GABRR3: variants seen among roughly 807,000 people sequenced by gnomAD.
The protein encoded by GABRR3 is gamma-aminobutyric acid type A receptor subunit rho3, also known as gamma-aminobutyric acid receptor subunit rho-3.
A neutral mutation model predicts 43.2 loss-of-function variants in GABRR3; 29 were observed. The observed-to-expected ratio is 0.67, with a 90% CI of 0.50 to 0.92. GABRR3 has a LOEUF of 0.92. Ranked by LOEUF, GABRR3 falls within the 40% of genes least tolerant of loss-of-function variation. The pLI, the probability that GABRR3 is intolerant of heterozygous loss-of-function variation, is 0.00. For synonymous variants in GABRR3, 206 were observed against 195.9 expected (o/e 1.05, Z -0.43); for missense variants, 576 against 572.3 (o/e 1.01, Z -0.07).
intron 2 of GABRR3, among the ~76,000 whole-genome samples, chr3:98,031,467 G>A (rs943253281): frequency 6.6e-6 from 1 of 152,126 alleles, no homozygotes; most frequent in Non-Finnish European, 1.5e-5. Context: ...AGAAGGCTGT[G>A]GGCACGGTGG....
exon 2 of GABRR3, chr3:98,034,923 C>T: frequency 6.2e-7 from 1 of 1,613,132 alleles, no homozygotes; most frequent in Non-Finnish European, 8.5e-7. Context: ...AGAAGCAGCA[C>T]AAACATTTGG....
intron 2 of GABRR3, among the ~76,000 whole-genome samples, chr3:98,032,946 A>T (rs1707108796): frequency 6.6e-6 from 1 of 152,154 alleles, no homozygotes. Context: ...ACCTCACAGT[A>T]TCTATTCACA....
rs187971487 is a variant in GABRR3 at position 98,016,927 on chromosome 3, C to G, written c.306+728G>C. On this transcript the variant is annotated intron_variant, in intron 4 of 9. Coordinates refer to ENST00000621172, the Ensembl canonical transcript of GABRR3. ...TGATAATATTAAAACATAAAAATAG[C>G]CAAAGTGATTAAGGGACGGGAAGAA... 9.3e-3 allele frequency among the ~76,000 whole-genome samples: 1,405 copies of G among 151,732 alleles called. 10 individuals are homozygous for G. Among genetic ancestry groups the G allele is most frequent in the Non-Finnish European group, 0.014 (934 of 67,908 alleles).
intron 4 of GABRR3, among the ~76,000 whole-genome samples, chr3:98,016,518 C>A (rs958857638): frequency 1.3e-5 from 2 of 152,140 alleles, no homozygotes; most frequent in Non-Finnish European, 2.9e-5. Flanking sequence ...CCAAGCAAAC[C>A]TCTTTTCTTT....
chr3:97,993,029 G>A, exon 9 of GABRR3: 1 of 1,608,676 alleles, frequency 6.2e-7, no homozygotes, highest in Non-Finnish European at 8.5e-7. Flanking sequence ...TTGTGGACAT[G>A]GTCAGCACTG....
At chr3:97,996,100 T>G (rs928720846) in intron 8 of GABRR3, among the ~76,000 whole-genome samples, 13 of 151,998 alleles carry the variant, frequency 8.6e-5, no homozygotes, top group African/African-American at 3.1e-4. Flanking sequence ...TGGTGGAGAG[T>G]TTTGTTGACT....
chr3:98,020,836 C>T (rs1168640869), intron 3 of GABRR3, among the ~76,000 whole-genome samples: 2 of 151,602 alleles, frequency 1.3e-5, no homozygotes, highest in Non-Finnish European at 2.9e-5. Context: ...CCCTTGGGTG[C>T]CGTCTGGCCT....
At chr3:98,001,737 A>G (rs1487067965) in exon 8 of GABRR3, 1 of 1,613,118 alleles carries the variant, frequency 6.2e-7, no homozygotes, top group African/African-American at 1.3e-5. Flanking sequence ...CCTCCTTAGC[A>G]CAAAGTTGAT....
chr3:97,998,570 G>C (rs1002164209), intron 8 of GABRR3: 4 of 152,110 alleles, frequency 2.6e-5, no homozygotes, highest in Non-Finnish European at 5.9e-5. Flanking sequence ...CTGAGTTTTG[G>C]TGTAATGTGA....
exon 8 of GABRR3, chr3:98,001,763 C>A: frequency 6.2e-7 from 1 of 1,612,824 alleles, no homozygotes. Flanking sequence ...GCCTATTGTA[C>A]CAACCTGTGG....
chr3:98,003,126 A>G (rs1706674247), intron 7 of GABRR3, among the ~76,000 whole-genome samples: 1 of 152,174 alleles, frequency 6.6e-6, no homozygotes, highest in Admixed American at 6.5e-5. Context: ...AAGTTAAAAT[A>G]TAAATTATTT....
chr3:98,025,533 G>T, intron 3 of GABRR3, 34 bp downstream of exon 3: 2 of 1,447,690 alleles, frequency 1.4e-6, no homozygotes, highest in Non-Finnish European at 9.5e-7. Flanking sequence ...AGTGCAATGG[G>T]TTTTGAAATG....
At chr3:98,010,109 C>T (rs1479527804) in intron 5 of GABRR3, among the ~76,000 whole-genome samples, 2 of 152,160 alleles carry the variant, frequency 1.3e-5, no homozygotes, top group Middle Eastern at 3.2e-3. Context: ...AGAGGATCTC[C>T]AAGATCACTC....
At chr3:98,030,415 T>C (rs1391733462) in intron 2 of GABRR3, among the ~76,000 whole-genome samples, 2 of 152,192 alleles carry the variant, frequency 1.3e-5, no homozygotes, top group Non-Finnish European at 2.9e-5. Flanking sequence ...AATACCATTA[T>C]GGTGTCTATG....
At chr3:98,006,556 A>G (rs1396720932) in intron 7 of GABRR3, among the ~76,000 whole-genome samples, 1 of 152,342 alleles carries the variant, frequency 6.6e-6, no homozygotes, top group African/African-American at 2.4e-5. Context: ...CCAAGATCTG[A>G]GAACAGAGTG....
At chr3:98,029,775 T>C (rs916462039) in intron 2 of GABRR3, among the ~76,000 whole-genome samples, 13 of 152,094 alleles carry the variant, frequency 8.5e-5, no homozygotes, top group Non-Finnish European at 1.6e-4. Context: ...TTTATATCTA[T>C]TAAATTAGCA....
chr3:98,001,593 A>G (rs1706642826), intron 8 of GABRR3, 22 bp downstream of exon 8: 1 of 1,611,700 alleles, frequency 6.2e-7, no homozygotes. Flanking sequence ...TTAACATTTT[A>G]TAAAGATGGG....
At chr3:98,009,395 C>A (rs1706760678) in intron 5 of GABRR3, among the ~76,000 whole-genome samples, 1 of 152,112 alleles carries the variant, frequency 6.6e-6, no homozygotes. Context: ...TCTGGAAGAT[C>A]CACACATAAA....
intron 8 of GABRR3, chr3:97,999,928 A>C (rs1041313991): frequency 2.0e-5 from 3 of 152,066 alleles, no homozygotes; most frequent in Non-Finnish European, 4.4e-5. Flanking sequence ...AGAAAAGGTA[A>C]TTGGGACAGA....
Sources: gnomAD v4.1 joint callset for allele counts (sites outside exome capture counted in the v4.1 genomes callset) on GRCh38, gnomAD v4.1.1 for gene constraint, MANE v1.5 for transcripts, NCBI Gene and HGNC (gene_info 2026-07-23, HGNC 2026-07-21) for gene names.